GP2: variants seen among roughly 807,000 people sequenced by gnomAD.
The protein encoded by GP2 is pancreatic secretory granule membrane major glycoprotein GP2.
In GP2, 58 loss-of-function variants were observed where a neutral mutation model predicts 60.8. That is an observed-to-expected ratio of 0.95 (90% confidence interval 0.77 to 1.19). The LOEUF (loss-of-function observed/expected upper bound fraction) is 1.19, where lower values mean the gene tolerates loss of function less well. Ranked by LOEUF, GP2 falls within the 50% of genes most tolerant of loss-of-function variation. GP2 has a pLI of 0.00. For missense variants in GP2, 647 were observed against 667.4 expected (o/e 0.97, Z 0.34); for synonymous variants, 280 against 253.4 (o/e 1.10, Z -1.00).
intron 1 of GP2, 53 bp downstream of exon 1, chr16:20,327,414 C>A: frequency 8.2e-7 from 1 of 1,214,242 alleles, no homozygotes. Context: ...TCCAGTGGAT[C>A]AAGATTTCCC....
rs768060016 is a variant in GP2, at chr16:20,316,007, G to C, written c.1450C>G (p.Pro484Ala). ...CSRSQVRSEVPAIDLARVLDL... is the reference protein window; with the variant it reads ...CSRSQVRSEVAAIDLARVLDL... ...AGAACCCGGGCTAGGTCGATGGCCG[G>C]TACTTCACTGCGGACTTGACTTCTT... is the stretch of plus-strand genomic sequence containing the variant. The change falls in exon 9 of 11, where the codon CCG (proline) becomes GCG (alanine). Residue 484 changes from proline to alanine, a missense_variant. By Grantham distance (27) the Pro-to-Ala change is conservative. Coordinates refer to ENST00000302555, the MANE Select transcript of GP2 (RefSeq NM_001502.4). 1 of 1,612,984 alleles carries C rather than the reference G, an allele frequency of 6.2e-7. No individual in the cohort carries two copies. Among genetic ancestry groups the C allele is most frequent in the Admixed American group, 1.7e-5 (1 of 59,996 alleles).
chr16:20,311,597 C>G (rs1168818720), intron 10 of GP2, among the ~76,000 whole-genome samples: 2 of 152,166 alleles, frequency 1.3e-5, no homozygotes, highest in Non-Finnish European at 2.9e-5. Context: ...ATCCTTAAAG[C>G]CTCCTATATA....
rs377199866 is a variant in GP2 at position 20,317,963 on chromosome 16, A to G, written c.1253+222T>C. Among the ~76,000 whole-genome samples the G allele has an allele frequency of 3.5e-3, 532 of 152,300 alleles. 2 individuals are homozygous for G. Among genetic ancestry groups the G allele is most frequent in the African/African-American group, 0.012 (509 of 41,572 alleles). On this transcript the variant is annotated intron_variant, in intron 7 of 10. Transcript: ENST00000302555. ...TTTTGAACAATCAGCCTGTTGCCAA[A>G]GTTATCAACGATATTGAAATGGAAA...
At chr16:20,321,804 G>A (rs1323496447) in intron 4 of GP2, among the ~76,000 whole-genome samples, 1 of 152,144 alleles carries the variant, frequency 6.6e-6, no homozygotes, top group East Asian at 1.9e-4. Context: ...CAAGCAATGG[G>A]GCCCACTGGA....
chr16:20,324,701 T>C lies in GP2; in HGVS notation c.95-445A>G, dbSNP rs1004958300. 2.0e-5 allele frequency among the ~76,000 whole-genome samples: 3 copies of C among 152,218 alleles called. No individual in the cohort carries two copies. In the East Asian group the frequency reaches 5.8e-4, roughly 29 times the overall value. On this transcript the variant is annotated intron_variant, in intron 2 of 10. Transcript: ENST00000302555. ...CAATAAATTTGTAATATAGCCTTCTTCTTAGGCAAGTTTAAAATATATTGC... is the reference window on the plus strand; with the variant it reads ...CAATAAATTTGTAATATAGCCTTCTCCTTAGGCAAGTTTAAAATATATTGC...
At chr16:20,313,929 G>C (rs2141592756) in intron 10 of GP2, among the ~76,000 whole-genome samples, 1 of 152,296 alleles carries the variant, frequency 6.6e-6, no homozygotes, top group East Asian at 1.9e-4. Flanking sequence ...GAAGGAGCCT[G>C]GGTCTTTGAC....
At chr16:20,321,793 GC>G (rs1335730219) in intron 4 of GP2, among the ~76,000 whole-genome samples, 1 of 152,186 alleles carries the variant, frequency 6.6e-6, no homozygotes, top group Admixed American at 6.5e-5. Context: ...GGATGTGTCT[GC>G]AAGCAATGGG....
chr16:20,310,020 G>C lies in GP2; in HGVS notation c.*1203C>G, dbSNP rs1013918964. 5.3e-5 allele frequency: 8 copies of C among 152,222 alleles called. No individual in the cohort carries two copies. Among genetic ancestry groups the C allele is most frequent in the African/African-American group, 1.9e-4 (8 of 41,456 alleles). The allele number at this position is 152,222 out of a possible 1,614,324, so 9.4% of individuals were successfully genotyped here. ...GTAGCTGTGGGAAGGGCGTAAGTCA[G>C]TGTACACATGTCAGCATCTATATGC... On this transcript the variant is annotated 3_prime_UTR_variant, in exon 11 of 11. Coordinates refer to ENST00000302555, the MANE Select transcript of GP2 (RefSeq NM_001502.4).
chr16:20,324,340 C>A, intron 2 of GP2, 84 bp from the exon 3 acceptor site: 1 of 858,104 alleles, frequency 1.2e-6, no homozygotes. Context: ...TCTATTTTGG[C>A]TGTGCTAAGG....
intron 2 of GP2, among the ~76,000 whole-genome samples, chr16:20,325,755 A>G (rs908125952): frequency 3.9e-5 from 6 of 152,246 alleles, no homozygotes; most frequent in Non-Finnish European, 8.8e-5. Context: ...TACACATTAG[A>G]AGGGCCTTTC....
intron 8 of GP2, 44 bp from the exon 9 acceptor site, chr16:20,316,084 T>C (rs746226086): frequency 6.3e-6 from 8 of 1,271,442 alleles, no homozygotes; most frequent in Non-Finnish European, 5.8e-6. Context: ...TTTAAATGCC[T>C]GGATTCTATC....
At chr16:20,312,829 T>C (rs1964029652) in intron 10 of GP2, among the ~76,000 whole-genome samples, 1 of 152,096 alleles carries the variant, frequency 6.6e-6, no homozygotes, top group Admixed American at 6.5e-5. Flanking sequence ...TTTGTATTTT[T>C]AGTAGAGTCA....
intron 10 of GP2, among the ~76,000 whole-genome samples, chr16:20,313,237 TTC>T (rs371049876): frequency 1.4e-4 from 19 of 139,898 alleles, no homozygotes; most frequent in East Asian, 3.9e-4. Context: ...TGTAAAAATG[TTC>T]TCTCTCTCTC....
chr16:20,323,673 T>C, intron 3 of GP2, 143 bp downstream of exon 3: 1 of 627,682 alleles, frequency 1.6e-6, no homozygotes, highest in Non-Finnish European at 2.8e-6. Flanking sequence ...AACCCCTGTG[T>C]TGAGTTCTCA....
chr16:20,317,466 G>T lies in GP2; in HGVS notation c.1254-91C>A. 2.1e-6 allele frequency: 2 copies of T among 970,620 alleles called. 1 individual carries two copies. The highest frequency in any genetic ancestry group is 3.2e-5 in the South Asian group (2 of 63,200). The allele number at this position is 970,620 out of a possible 1,614,324, so 60.1% of individuals were successfully genotyped here. On this transcript the variant is annotated intron_variant, in intron 7 of 10. Coordinates refer to ENST00000302555, the MANE Select transcript of GP2 (RefSeq NM_001502.4). ...CTCGGGTTCCCTCCATCATGATAAC[G>T]TGGACTTTTTCTGTTCCTCTGTTTC...
intron 2 of GP2, among the ~76,000 whole-genome samples, chr16:20,324,563 T>C (rs1228826676): frequency 2.0e-5 from 3 of 152,156 alleles, no homozygotes; most frequent in Non-Finnish European, 4.4e-5. Flanking sequence ...CCAATATTTG[T>C]TTTTCTCATT....
intron 10 of GP2, among the ~76,000 whole-genome samples, 193 bp downstream of exon 10, chr16:20,314,464 C>T (rs1964095915): frequency 6.6e-6 from 1 of 152,028 alleles, no homozygotes; most frequent in Non-Finnish European, 1.5e-5. Context: ...GCCTGGCACA[C>T]AGTGGGCACT....
intron 8 of GP2, 60 bp downstream of exon 8, chr16:20,317,153 C>G (rs1453781391): frequency 1.9e-6 from 1 of 527,798 alleles, no homozygotes; most frequent in Non-Finnish European, 2.8e-6. Context: ...ATATGGAAAG[C>G]CTATCAGGTA....
At chr16:20,315,025 A>T (rs138050642) in intron 9 of GP2, among the ~76,000 whole-genome samples, 9 of 152,310 alleles carry the variant, frequency 5.9e-5, no homozygotes, top group African/African-American at 2.2e-4. Context: ...TTCAAACCCC[A>T]GTATGTCTGA....
Sources: gnomAD v4.1 joint callset for allele counts (sites outside exome capture counted in the v4.1 genomes callset) on GRCh38, gnomAD v4.1.1 for gene constraint, MANE v1.5 for transcripts, NCBI Gene and HGNC (gene_info 2026-07-23, HGNC 2026-07-21) for gene names.